The following GATAD2A variants were observed in gnomAD, a reference collection of about 807,000 sequenced individuals.
The protein encoded by GATAD2A is GATA zinc finger domain containing 2A.
GATAD2A carries 12 observed loss-of-function variants against 68.5 expected under a neutral mutation model. That is an observed-to-expected ratio of 0.18 (90% confidence interval 0.11 to 0.28). The LOEUF is 0.28. Ranked by LOEUF, GATAD2A falls within the 10% of genes least tolerant of loss-of-function variation. GATAD2A has a pLI of 1.00. For missense variants in GATAD2A, 755 were observed against 868.5 expected (o/e 0.87, Z 1.64); for synonymous variants, 410 against 375.3 (o/e 1.09, Z -1.07).
At chr19:19,446,472 A>G (rs567377276) in intron 1 of GATAD2A, among the ~76,000 whole-genome samples, 73 of 148,168 alleles carry the variant, frequency 4.9e-4, no homozygotes, top group African/African-American at 1.8e-3. Context: ...ATTTTTTCCC[A>G]TTCTATGGGT....
intron 2 of GATAD2A, among the ~76,000 whole-genome samples, chr19:19,482,843 A>G (rs1355217074): frequency 1.3e-5 from 2 of 152,034 alleles, no homozygotes; most frequent in East Asian, 1.9e-4. Flanking sequence ...GGCCTCCCCC[A>G]TGGTGTCAGC....
chr19:19,444,915 T>G (rs1489455252), intron 1 of GATAD2A, among the ~76,000 whole-genome samples: 1 of 151,660 alleles, frequency 6.6e-6, no homozygotes, highest in African/African-American at 2.4e-5. Flanking sequence ...TTTGTTTTAT[T>G]TGGATTTTAG....
intron 4 of GATAD2A, among the ~76,000 whole-genome samples, chr19:19,493,115 G>A (rs2059914660): frequency 6.6e-6 from 1 of 152,026 alleles, no homozygotes; most frequent in African/African-American, 2.4e-5. Flanking sequence ...TAATTTTTGT[G>A]TTTTTAGTGG....
intron 2 of GATAD2A, among the ~76,000 whole-genome samples, chr19:19,469,947 GAA>G (rs112539183): frequency 7.4e-6 from 1 of 135,252 alleles, no homozygotes; most frequent in African/African-American, 2.7e-5. Context: ...GTCTGTCTCA[GAA>G]AAAAAAAAAA....
rs563506795 is a variant in GATAD2A, at chr19:19,424,373, G to GA, written c.-7+18354_-7+18355insA. 2.2e-3 allele frequency among the ~76,000 whole-genome samples: 332 copies of GA among 152,218 alleles called. 2 individuals carry two copies. Among genetic ancestry groups the GA allele is most frequent in the South Asian group, 0.016 (77 of 4,828 alleles). On this transcript the variant is annotated intron_variant, in intron 1 of 11. Coordinates refer to ENST00000683918, the MANE Select transcript of GATAD2A (RefSeq NM_001384528.1). ...GCGTCCTGAGTAGCTGTGACCATAG[G>GA]CATGAGCCAGCATGCCCAGCTAATT...
chr19:19,502,471 G>A lies in GATAD2A; in HGVS notation c.1719G>A (p.Val573=). 4 of 1,613,632 alleles carry A rather than the reference G, an allele frequency of 2.5e-6. No individual in the cohort carries two copies. The highest frequency in any genetic ancestry group is 1.7e-5 in the Admixed American group (1 of 60,020). ...SRTGRHSERT[V]SAGKGSATSN... The stretch of plus-strand genomic sequence containing the variant: ...CCGGCAGACATTCTGAGAGAACCGT[G>A]AGCGCCGGCAAGGGCAGCGCCACCT... The change falls in exon 11 of 12, where the codon GTG becomes GTA. Residue 573 remains valine (V), a synonymous_variant. Transcript: ENST00000683918.
chr19:19,476,430 C>T (rs968920812), intron 2 of GATAD2A, among the ~76,000 whole-genome samples: 11 of 152,212 alleles, frequency 7.2e-5, no homozygotes, highest in African/African-American at 1.9e-4. Flanking sequence ...GCTCCTGTAG[C>T]GGGTTATTTA....
chr19:19,441,569 GT>G, intron 1 of GATAD2A: 1 of 155,448 alleles, frequency 6.4e-6, no homozygotes, highest in South Asian at 1.6e-4. Context: ...TTTTGTTTTT[GT>G]TTTTGTTTTA....
At chr19:19,435,232 T>G (rs2054198015) in intron 1 of GATAD2A, 3 of 465,044 alleles carry the variant, frequency 6.5e-6, no homozygotes, top group Non-Finnish European at 1.4e-5. Flanking sequence ...GTTTCTGGGT[T>G]GTTTTTTGAG....
chr19:19,387,383 G>C (rs1251312424), intron 1 of GATAD2A, among the ~76,000 whole-genome samples: 1 of 150,956 alleles, frequency 6.6e-6, no homozygotes, highest in Non-Finnish European at 1.5e-5. Flanking sequence ...GCAGTGGTGC[G>C]ATCTGGGCTC....
In GATAD2A at chr19:19,505,774, TG is replaced by T. The variant is rs1301147703; in HGVS notation, c.*305del. 1.5e-5 allele frequency: 7 copies of T among 462,550 alleles called. No individual in the cohort carries two copies. Among genetic ancestry groups the T allele is most frequent in the African/African-American group, 4.1e-5 (2 of 48,896 alleles). 28.7% of individuals were successfully genotyped at this position (462,550 alleles called of 1,614,324 possible). ...CCGACACCAGCAGAAAAGTGGACCT[TG>T]GGGGCTGGTTCTGCTCCTGGCCCCC... On this transcript the variant is annotated 3_prime_UTR_variant, in exon 12 of 12. Transcript: ENST00000683918.
intron 11 of GATAD2A, among the ~76,000 whole-genome samples, chr19:19,502,960 C>T (rs776924502): frequency 4.6e-5 from 7 of 152,158 alleles, no homozygotes; most frequent in African/African-American, 7.2e-5. Flanking sequence ...AACAGTAATG[C>T]GGGGCAGGGG....
rs1416508937 is a variant in GATAD2A at position 19,501,194 on chromosome 19, C to T, written c.1281C>T (p.Cys427=). 3 of 1,613,520 alleles carry T rather than the reference C, an allele frequency of 1.9e-6. No homozygotes were observed. Among genetic ancestry groups the T allele is most frequent in the Non-Finnish European group, 2.5e-6 (3 of 1,179,970 alleles). Residue 427 remains cysteine, a synonymous_variant, in exon 9 of 12, where the codon TGC becomes TGT. Coordinates refer to ENST00000683918, the MANE Select transcript of GATAD2A (RefSeq NM_001384528.1). The part of the protein sequence containing the change: ...MCAQCKTDFT[C]RWREEKSGAI... Reference sequence around the variant, plus strand: ...CACAGTGCAAGACGGACTTCACGTGCCGCTGGCGGGAGGAGAAGAGCGGCG... The same window carrying T: ...CACAGTGCAAGACGGACTTCACGTGTCGCTGGCGGGAGGAGAAGAGCGGCG...
intron 2 of GATAD2A, among the ~76,000 whole-genome samples, chr19:19,482,719 G>C (rs893811894): frequency 1.3e-5 from 2 of 152,204 alleles, no homozygotes; most frequent in African/African-American, 4.8e-5. Flanking sequence ...GGCTCAGCAG[G>C]TGTTTACTGG....
intron 1 of GATAD2A, chr19:19,441,861 G>C (rs2055135579): frequency 6.5e-6 from 1 of 152,814 alleles, no homozygotes; most frequent in Non-Finnish European, 1.5e-5. Flanking sequence ...ACCGTGCCTG[G>C]CCTGGTTTTT....
chr19:19,410,812 TC>T (rs981766543), intron 1 of GATAD2A, among the ~76,000 whole-genome samples: 4 of 152,198 alleles, frequency 2.6e-5, no homozygotes, highest in African/African-American at 9.7e-5. Context: ...CCCAGCCACT[TC>T]CTAGCGAAAG....
chr19:19,410,715 GC>G (rs1451844312), intron 1 of GATAD2A, among the ~76,000 whole-genome samples: 1 of 152,180 alleles, frequency 6.6e-6, no homozygotes, highest in African/African-American at 2.4e-5. Context: ...GCCAAGTGTG[GC>G]CGTGTGCCTA....
At chr19:19,463,570 G>A (rs534045020) in intron 1 of GATAD2A, among the ~76,000 whole-genome samples, 65 of 152,338 alleles carry the variant, frequency 4.3e-4, no homozygotes, top group Non-Finnish European at 7.8e-4. Flanking sequence ...GTGTGGGATA[G>A]GTGGTAGGTG....
intron 1 of GATAD2A, among the ~76,000 whole-genome samples, chr19:19,455,698 A>G (rs2056860711): frequency 6.6e-6 from 1 of 152,150 alleles, no homozygotes; most frequent in Non-Finnish European, 1.5e-5. Context: ...TATATCTGGG[A>G]TTGAGCATCT....
Sources: allele counts gnomAD v4.1 joint callset (sites outside exome capture counted in the v4.1 genomes callset), GRCh38; gene constraint gnomAD v4.1.1; transcripts MANE v1.5; gene names NCBI Gene and HGNC (gene_info 2026-07-23, HGNC 2026-07-21).